ZNF385D: variants seen among roughly 807,000 people sequenced by gnomAD.
ZNF385D encodes the protein zinc finger protein 385D.
In ZNF385D, 15 loss-of-function variants were observed where a neutral mutation model predicts 35.8. That is an observed-to-expected ratio of 0.42 (90% CI 0.28 to 0.64). The LOEUF (loss-of-function observed/expected upper bound fraction) is 0.64, where lower values mean the gene tolerates loss of function less well. Ranked by LOEUF, ZNF385D falls within the 30% of genes least tolerant of loss-of-function variation. The probability of loss-of-function intolerance (pLI) is 0.23; values close to 1 mark genes in which losing one functional copy is unlikely to be tolerated. For missense variants in ZNF385D, 474 were observed against 494.6 expected, an observed-to-expected ratio of 0.96 and a Z score of 0.39; for synonymous variants, 212 against 186.8, an observed-to-expected ratio of 1.13 and a Z score of -1.10.
At chr3:21,731,793 G>T (rs1046438185) in intron 1 of ZNF385D, among the ~76,000 whole-genome samples, 1 of 152,128 alleles carries the variant, frequency 6.6e-6, no homozygotes, top group Non-Finnish European at 1.5e-5. Context: ...AATGTAGTTG[G>T]AATAGTACAG....
intron 3 of ZNF385D, among the ~76,000 whole-genome samples, chr3:21,979,069 T>C (rs903535684): frequency 8.6e-5 from 13 of 152,030 alleles, no homozygotes; most frequent in African/African-American, 2.9e-4. Context: ...CAATAGAAAA[T>C]AGTTGTGACT....
At chr3:21,875,986 T>C (rs61224996) in intron 3 of ZNF385D, among the ~76,000 whole-genome samples, 1 of 152,138 alleles carries the variant, frequency 6.6e-6, no homozygotes, top group Admixed American at 6.6e-5. Context: ...AAAACATCAG[T>C]TCTCAATGGA....
intron 2 of ZNF385D, among the ~76,000 whole-genome samples, chr3:21,663,042 G>T (rs903055293): frequency 3.3e-5 from 5 of 152,054 alleles, no homozygotes; most frequent in Admixed American, 3.3e-4. Flanking sequence ...CTTATCGATG[G>T]TAACAGGCAG....
At chr3:21,648,450 G>A (rs73819937) in intron 2 of ZNF385D, among the ~76,000 whole-genome samples, 1,979 of 152,150 alleles carry the variant, frequency 0.013, 40 homozygotes, top group African/African-American at 0.045. Flanking sequence ...GGCTAATACC[G>A]GCTGTATAGA....
chr3:22,178,963 T>A (rs902194542), intron 2 of ZNF385D, among the ~76,000 whole-genome samples: 1 of 146,618 alleles, frequency 6.8e-6, no homozygotes, highest in African/African-American at 2.5e-5. Flanking sequence ...TTGGTACCAG[T>A]ACCATGCTGT....
intron 3 of ZNF385D, among the ~76,000 whole-genome samples, chr3:21,803,190 AG>A (rs1392323128): frequency 6.6e-6 from 1 of 152,106 alleles, no homozygotes; most frequent in Non-Finnish European, 1.5e-5. Flanking sequence ...CAGGAACCTA[AG>A]GGTAGTCATC....
chr3:21,946,834 A>C (rs1305196675), intron 3 of ZNF385D, among the ~76,000 whole-genome samples: 1 of 152,256 alleles, frequency 6.6e-6, no homozygotes, highest in Non-Finnish European at 1.5e-5. Context: ...TCCGTGTCTA[A>C]AAAGTAAAAA....
chr3:22,106,441 A>T (rs1702218147), intron 3 of ZNF385D, among the ~76,000 whole-genome samples: 1 of 152,190 alleles, frequency 6.6e-6, no homozygotes, highest in Admixed American at 6.6e-5. Flanking sequence ...CTCATACAAT[A>T]CAGAGTACCT....
intron 2 of ZNF385D, among the ~76,000 whole-genome samples, chr3:22,341,586 G>A (rs1257579342): frequency 2.0e-5 from 3 of 152,052 alleles, no homozygotes; most frequent in Admixed American, 6.5e-5. Context: ...TCCACTATCT[G>A]AATGGCAAAG....
chr3:22,117,543 G>A (rs1030985436), intron 3 of ZNF385D, among the ~76,000 whole-genome samples: 13 of 151,212 alleles, frequency 8.6e-5, no homozygotes, highest in African/African-American at 2.4e-4. Context: ...AAATAGGAAA[G>A]GTATCTGAAT....
intron 3 of ZNF385D, among the ~76,000 whole-genome samples, chr3:21,778,055 G>A (rs754957579): frequency 3.3e-5 from 5 of 151,848 alleles, no homozygotes; most frequent in African/African-American, 4.8e-5. Flanking sequence ...GAGTTCTAGG[G>A]TGGTTTGTTA....
At chr3:22,253,787 T>G (rs1700177409) in intron 2 of ZNF385D, among the ~76,000 whole-genome samples, 1 of 151,932 alleles carries the variant, frequency 6.6e-6, no homozygotes, top group Non-Finnish European at 1.5e-5. Context: ...CAGTATAGCA[T>G]TAGTACAAGA....
intron 3 of ZNF385D, among the ~76,000 whole-genome samples, chr3:21,822,162 C>T (rs1157939555): frequency 6.6e-5 from 10 of 152,096 alleles, no homozygotes; most frequent in Non-Finnish European, 4.4e-5. Context: ...AGCTCTGCCT[C>T]CTGGATTCAC....
intron 2 of ZNF385D, among the ~76,000 whole-genome samples, chr3:21,648,771 A>G (rs2065827670): frequency 6.6e-6 from 1 of 152,196 alleles, no homozygotes; most frequent in African/African-American, 2.4e-5. Context: ...CCACCCTCAC[A>G]GCTACCCAAG....
At chr3:22,174,242 C>G (rs896339210) in intron 2 of ZNF385D, among the ~76,000 whole-genome samples, 6 of 152,130 alleles carry the variant, frequency 3.9e-5, no homozygotes, top group African/African-American at 7.2e-5. Flanking sequence ...TGTGTTTTAT[C>G]TCAACTTTAA....
chr3:21,814,537 T>G (rs1053499952), intron 3 of ZNF385D, among the ~76,000 whole-genome samples: 5 of 152,106 alleles, frequency 3.3e-5, no homozygotes, highest in African/African-American at 1.2e-4. Flanking sequence ...GCAATCCTAG[T>G]CTCTGATAAA....
At chr3:21,933,742 G>A (rs1225337701) in intron 3 of ZNF385D, among the ~76,000 whole-genome samples, 1 of 152,102 alleles carries the variant, frequency 6.6e-6, no homozygotes, top group Non-Finnish European at 1.5e-5. Context: ...TATTGAGAAA[G>A]TCAAATTGTT....
chr3:21,997,874 T>A (rs145674206), intron 3 of ZNF385D, among the ~76,000 whole-genome samples: 1 of 43,146 alleles, frequency 2.3e-5, no homozygotes, highest in African/African-American at 1.2e-4. Context: ...CGCGCGCGCG[T>A]GTGTGTGTGT....
intron 2 of ZNF385D, among the ~76,000 whole-genome samples, chr3:22,348,787 G>T (rs561438164): frequency 6.6e-6 from 1 of 152,272 alleles, no homozygotes; most frequent in African/African-American, 2.4e-5. Context: ...TACCAGTTAA[G>T]GAGAGAGGCA....
Sources: gnomAD v4.1 joint callset for allele counts (sites outside exome capture counted in the v4.1 genomes callset) on GRCh38, gnomAD v4.1.1 for gene constraint, MANE v1.5 for transcripts, NCBI Gene and HGNC (gene_info 2026-07-23, HGNC 2026-07-21) for gene names.